CHST8: variants seen among roughly 807,000 people sequenced by gnomAD.
The protein encoded by CHST8 is GALNAC-4-ST1.
A neutral mutation model predicts 15.0 loss-of-function variants in CHST8; 10 were observed. The observed-to-expected ratio is 0.67, with a 90% confidence interval of 0.41 to 1.13. The LOEUF is 1.13. CHST8 is among the 50% of genes most tolerant of loss of function. CHST8 has a pLI of 0.00. For synonymous variants in CHST8, 259 were observed against 256.6 expected (o/e 1.01, Z -0.09); for missense variants, 634 against 608.2 (o/e 1.04, Z -0.45).
chr19:33,744,691 G>A (rs1974277041), intron 3 of CHST8, among the ~76,000 whole-genome samples: 1 of 151,760 alleles, frequency 6.6e-6, no homozygotes, highest in Non-Finnish European at 1.5e-5. Flanking sequence ...CAGCCTCCTG[G>A]GTAGCTGCAA....
At chr19:33,770,316 C>T (rs527855669) in intron 3 of CHST8, among the ~76,000 whole-genome samples, 14 of 152,220 alleles carry the variant, frequency 9.2e-5, no homozygotes, top group Admixed American at 1.3e-4. Context: ...TGCCCCGGCG[C>T]GCCAGCCAGA....
chr19:33,724,173 G>C (rs1429457481), intron 3 of CHST8, among the ~76,000 whole-genome samples: 1 of 152,160 alleles, frequency 6.6e-6, no homozygotes, highest in Non-Finnish European at 1.5e-5. Flanking sequence ...CTGGCCTCAA[G>C]CTTTAGATGA....
At chr19:33,762,014 C>A (rs907597663) in intron 3 of CHST8, among the ~76,000 whole-genome samples, 1 of 152,216 alleles carries the variant, frequency 6.6e-6, no homozygotes, top group Non-Finnish European at 1.5e-5. Context: ...GAAGCAGGCA[C>A]CTGTGCAGCA....
chr19:33,659,666 C>T (rs1052734991), intron 1 of CHST8, among the ~76,000 whole-genome samples: 1 of 151,992 alleles, frequency 6.6e-6, no homozygotes, highest in East Asian at 1.9e-4. Context: ...AAAAAATAAC[C>T]AGGAAAGGTG....
At chr19:33,759,622 C>A (rs761639180) in intron 3 of CHST8, among the ~76,000 whole-genome samples, 67 of 152,210 alleles carry the variant, frequency 4.4e-4, no homozygotes, top group Non-Finnish European at 8.4e-4. Flanking sequence ...ACCAGCCACC[C>A]CTGATCCCCT....
In CHST8 at chr19:33,633,205, T is replaced by A. The variant is rs1238735158; in HGVS notation, c.-164+10909T>A. Among the ~76,000 whole-genome samples the A allele has an allele frequency of 2.6e-5, 4 of 152,366 alleles. No individual in the cohort carries two copies. In the East Asian group the frequency reaches 7.7e-4, roughly 29 times the overall value. ...CATGTCTGGGTCAGCATCTGGTTTCTGAGATTCATCCATGTTGTTTTGAGT... is the reference window on the plus strand; with the variant it reads ...CATGTCTGGGTCAGCATCTGGTTTCAGAGATTCATCCATGTTGTTTTGAGT... On this transcript the variant is annotated intron_variant, in intron 1 of 4. Transcript: ENST00000650847.
chr19:33,715,276 G>C (rs1295393230), intron 3 of CHST8, among the ~76,000 whole-genome samples: 1 of 152,178 alleles, frequency 6.6e-6, no homozygotes, highest in East Asian at 1.9e-4. Flanking sequence ...GGCATCACCT[G>C]CCTTGTCCTG....
chr19:33,761,078 C>G (rs927893140), intron 3 of CHST8, among the ~76,000 whole-genome samples: 32 of 152,330 alleles, frequency 2.1e-4, no homozygotes, highest in African/African-American at 7.7e-4. Flanking sequence ...CAACATCCCA[C>G]GTGGGAAGCA....
Position 33,686,397 on chromosome 19 carries a change from T to G in CHST8, c.-86-2779T>G, listed in dbSNP as rs8110421. On this transcript the variant is annotated intron_variant, in intron 2 of 4. Transcript: ENST00000650847. ...GAAACAAGTGAGGACAGGTCTTCGCTGCAGACCCATTTAGTCCTTGACAGT... is the reference window on the plus strand; with the variant it reads ...GAAACAAGTGAGGACAGGTCTTCGCGGCAGACCCATTTAGTCCTTGACAGT... 5.2e-3 allele frequency among the ~76,000 whole-genome samples: 788 copies of G among 152,234 alleles called. 6 individuals carry two copies. The highest frequency in any genetic ancestry group is 0.017 in the African/African-American group (710 of 41,546).
chr19:33,699,293 T>A (rs917646145), intron 3 of CHST8, among the ~76,000 whole-genome samples: 2 of 152,016 alleles, frequency 1.3e-5, no homozygotes, highest in African/African-American at 4.8e-5. Flanking sequence ...GAGCTCACAA[T>A]CTGTGGGGGT....
intron 2 of CHST8, among the ~76,000 whole-genome samples, chr19:33,687,143 C>T (rs539874574): frequency 6.6e-6 from 1 of 152,252 alleles, no homozygotes; most frequent in African/African-American, 2.4e-5. Flanking sequence ...GGGCTGGCCC[C>T]GGTGGGGCTG....
intron 3 of CHST8, among the ~76,000 whole-genome samples, chr19:33,757,909 C>CT (rs1200056859): frequency 1.3e-5 from 2 of 152,126 alleles, no homozygotes; most frequent in African/African-American, 4.8e-5. Context: ...AGGCCAGAGC[C>CT]TTCCAGAGCT....
At chr19:33,654,963 A>G (rs1972492076) in intron 1 of CHST8, among the ~76,000 whole-genome samples, 1 of 152,050 alleles carries the variant, frequency 6.6e-6, no homozygotes. Flanking sequence ...CTTTGTATCT[A>G]ATGATTTTTA....
chr19:33,639,939 A>C (rs1972259271), intron 1 of CHST8, among the ~76,000 whole-genome samples: 1 of 151,364 alleles, frequency 6.6e-6, no homozygotes, highest in African/African-American at 2.4e-5. Flanking sequence ...TCCCAGGTTC[A>C]AGTGATTCTC....
intron 1 of CHST8, among the ~76,000 whole-genome samples, chr19:33,653,853 G>A (rs1336131376): frequency 6.6e-6 from 1 of 152,150 alleles, no homozygotes; most frequent in Non-Finnish European, 1.5e-5. Context: ...GGTGATTAAT[G>A]TTCTCTTGAG....
At chr19:33,712,522 T>C (rs1973575022) in intron 3 of CHST8, among the ~76,000 whole-genome samples, 1 of 152,188 alleles carries the variant, frequency 6.6e-6, no homozygotes, top group South Asian at 2.1e-4. Context: ...CAGCAGGCAC[T>C]GTGCCTAGTC....
chr19:33,670,152 A>G (rs1240179708), intron 2 of CHST8, among the ~76,000 whole-genome samples: 1 of 152,202 alleles, frequency 6.6e-6, no homozygotes, highest in East Asian at 1.9e-4. Context: ...CTTGTTAGCA[A>G]AGTAATTAAG....
At chr19:33,754,536 A>G (rs1974506003) in intron 3 of CHST8, among the ~76,000 whole-genome samples, 1 of 152,150 alleles carries the variant, frequency 6.6e-6, no homozygotes. Context: ...CAAGGACAGG[A>G]TCGACTTTAC....
At chr19:33,726,026 G>A (rs190033505) in intron 3 of CHST8, among the ~76,000 whole-genome samples, 12 of 152,234 alleles carry the variant, frequency 7.9e-5, no homozygotes, top group African/African-American at 2.7e-4. Flanking sequence ...CGCTGCAGCA[G>A]GGGCTTCTTG....
Sources: gnomAD v4.1 joint callset for allele counts (sites outside exome capture counted in the v4.1 genomes callset) on GRCh38, gnomAD v4.1.1 for gene constraint, MANE v1.5 for transcripts, NCBI Gene and HGNC (gene_info 2026-07-23, HGNC 2026-07-21) for gene names.